FBXL17: variants seen among roughly 807,000 people sequenced by gnomAD.
FBXL17 encodes F-box and leucine rich repeat protein 17.
FBXL17 carries 22 observed loss-of-function variants against 66.2 expected under a neutral mutation model. That is an observed-to-expected ratio of 0.33 (90% confidence interval 0.24 to 0.47). FBXL17 has a LOEUF of 0.47. FBXL17 is among the 20% of genes least tolerant of loss of function. The pLI is 1.00. For missense variants in FBXL17, 878 were observed against 948.2 expected, an observed-to-expected ratio of 0.93 and a Z score of 0.97; for synonymous variants, 474 against 400.5, an observed-to-expected ratio of 1.18 and a Z score of -2.19.
intron 4 of FBXL17, among the ~76,000 whole-genome samples, chr5:108,270,589 G>A (rs1315697646): frequency 6.7e-6 from 1 of 150,230 alleles, no homozygotes; most frequent in East Asian, 1.9e-4. Flanking sequence ...CAAAGAAACA[G>A]AGCATCCATT....
At chr5:107,933,672 G>A (rs537712621) in intron 7 of FBXL17, among the ~76,000 whole-genome samples, 2 of 152,120 alleles carry the variant, frequency 1.3e-5, no homozygotes, top group East Asian at 1.9e-4. Flanking sequence ...TTACCAATTT[G>A]TCTTTGATTC....
intron 6 of FBXL17, among the ~76,000 whole-genome samples, chr5:108,121,300 A>G (rs1441010525): frequency 1.3e-5 from 2 of 151,992 alleles, no homozygotes; most frequent in African/African-American, 2.4e-5. Context: ...TGCCCTCCAG[A>G]TTGGCAACAG....
chr5:108,185,363 T>C (rs1000483730), intron 6 of FBXL17, among the ~76,000 whole-genome samples: 3 of 152,186 alleles, frequency 2.0e-5, no homozygotes, highest in Non-Finnish European at 2.9e-5. Context: ...GCACAAGAAC[T>C]GGATGTCTAA....
chr5:108,014,999 A>G (rs2112748874), intron 7 of FBXL17, among the ~76,000 whole-genome samples: 1 of 152,306 alleles, frequency 6.6e-6, no homozygotes, highest in East Asian at 1.9e-4. Context: ...TGATTCAACT[A>G]TCTCCCATTG....
intron 7 of FBXL17, among the ~76,000 whole-genome samples, chr5:107,929,438 T>C (rs557967801): frequency 1.8e-4 from 28 of 152,176 alleles, no homozygotes; most frequent in Non-Finnish European, 3.5e-4. Flanking sequence ...CATAGTAAAT[T>C]ATTATAAAAA....
rs200282593 is a variant in FBXL17 at position 108,262,070 on chromosome 5, A to ATT, written c.1507-37844_1507-37843dup. ...TGATACATATTTTATTTATTTATTT[A>ATT]TTTATTTATTTATTTATTTTTTTTG... On this transcript the variant is annotated intron_variant, in intron 4 of 8. Transcript: ENST00000542267. Among the ~76,000 whole-genome samples the ATT allele has an allele frequency of 7.6e-4, 105 of 138,950 alleles. 2 individuals carry two copies. The highest frequency in any genetic ancestry group is 1.9e-3 in the African/African-American group (63 of 32,328). The allele number at this position is 138,950 out of a possible 152,430, so 91.2% of individuals were successfully genotyped here.
At chr5:108,035,338 G>C (rs1450341874) in intron 6 of FBXL17, among the ~76,000 whole-genome samples, 1 of 152,002 alleles carries the variant, frequency 6.6e-6, no homozygotes, top group African/African-American at 2.4e-5. Flanking sequence ...AGAATTATGT[G>C]GGAGAGGAAG....
At chr5:107,903,739 A>C (rs1386673060) in intron 7 of FBXL17, among the ~76,000 whole-genome samples, 1 of 149,382 alleles carries the variant, frequency 6.7e-6, no homozygotes, top group African/African-American at 2.5e-5. Flanking sequence ...AGGGAGAAAT[A>C]ATAATGCCAA....
At chr5:108,266,505 G>A (rs1245919533) in intron 4 of FBXL17, among the ~76,000 whole-genome samples, 1 of 152,034 alleles carries the variant, frequency 6.6e-6, no homozygotes, top group Non-Finnish European at 1.5e-5. Flanking sequence ...TCAGGGTATT[G>A]CAGTGCTTAT....
chr5:107,940,096 A>C (rs539900743), intron 7 of FBXL17, among the ~76,000 whole-genome samples: 1 of 152,272 alleles, frequency 6.6e-6, no homozygotes, highest in Non-Finnish European at 1.5e-5. Flanking sequence ...TTTCTACTTA[A>C]TAGATAATGA....
intron 4 of FBXL17, among the ~76,000 whole-genome samples, chr5:108,308,274 G>T (rs1289619536): frequency 6.6e-6 from 1 of 151,906 alleles, no homozygotes; most frequent in African/African-American, 2.4e-5. Flanking sequence ...AGTAATGGTG[G>T]TTTTCATTTT....
intron 7 of FBXL17, among the ~76,000 whole-genome samples, chr5:108,000,421 C>A (rs1353971950): frequency 3.3e-5 from 5 of 152,176 alleles, no homozygotes; most frequent in Non-Finnish European, 1.5e-5. Flanking sequence ...TTTAGAGCTG[C>A]ATGTTAATCA....
intron 7 of FBXL17, among the ~76,000 whole-genome samples, chr5:107,906,944 C>T (rs527679568): frequency 9.2e-5 from 14 of 152,126 alleles, no homozygotes; most frequent in African/African-American, 1.2e-4. Flanking sequence ...GTTTCCATTC[C>T]GCATGGCAAG....
chr5:108,288,210 C>G (rs1003980699), intron 4 of FBXL17, among the ~76,000 whole-genome samples: 3 of 151,554 alleles, frequency 2.0e-5, no homozygotes, highest in African/African-American at 7.3e-5. Flanking sequence ...AGCAAACCCC[C>G]ACAACATGCA....
chr5:107,877,065 C>T (rs1314570739), intron 8 of FBXL17, among the ~76,000 whole-genome samples: 2 of 152,214 alleles, frequency 1.3e-5, no homozygotes, highest in Non-Finnish European at 2.9e-5. Context: ...TCTCACACAG[C>T]GTTTTCTTCT....
At chr5:107,969,760 T>G (rs1752297773) in intron 7 of FBXL17, among the ~76,000 whole-genome samples, 1 of 150,654 alleles carries the variant, frequency 6.6e-6, no homozygotes, top group African/African-American at 2.5e-5. Context: ...GATCTTCCCC[T>G]AAAGCATACT....
chr5:108,323,853 C>A (rs1284005136), intron 4 of FBXL17, among the ~76,000 whole-genome samples: 2 of 152,032 alleles, frequency 1.3e-5, no homozygotes, highest in Admixed American at 6.6e-5. Flanking sequence ...GCCTTTTCAA[C>A]AAATGGTGCT....
rs114884726 is a variant in FBXL17, at chr5:107,908,989, G to A, written c.1823-27810C>T. 9.3e-3 allele frequency among the ~76,000 whole-genome samples: 1,414 copies of A among 152,238 alleles called. 27 individuals carry two copies. The highest frequency in any genetic ancestry group is 0.031 in the African/African-American group (1,273 of 41,534). On this transcript the variant is annotated intron_variant, in intron 7 of 8. Transcript: ENST00000542267. ...GGCTGCAGCACAGCAAGTGGCCGTCGTGATAGATTGTGCCCCATCTTAACT... is the reference window on the plus strand; with the variant it reads ...GGCTGCAGCACAGCAAGTGGCCGTCATGATAGATTGTGCCCCATCTTAACT...
At chr5:108,226,084 TTTGA>T (rs756406303) in intron 4 of FBXL17, among the ~76,000 whole-genome samples, 1 of 152,154 alleles carries the variant, frequency 6.6e-6, no homozygotes, top group East Asian at 1.9e-4. Flanking sequence ...CTCACCACAC[TTTGA>T]TTTTCTTCAT....
Sources: gnomAD v4.1 joint callset for allele counts (sites outside exome capture counted in the v4.1 genomes callset) on GRCh38, gnomAD v4.1.1 for gene constraint, MANE v1.5 for transcripts, NCBI Gene and HGNC (gene_info 2026-07-23, HGNC 2026-07-21) for gene names.